MED16: variants seen among roughly 807,000 people sequenced by gnomAD.
MED16 encodes mediator complex subunit 16.
A neutral mutation model predicts 84.4 loss-of-function variants in MED16; 81 were observed. The observed-to-expected ratio is 0.96, with a 90% CI of 0.80 to 1.15. The LOEUF (loss-of-function observed/expected upper bound fraction) is 1.15. Among genes scored for constraint, MED16 ranks in the 50% most tolerant of loss-of-function variants. MED16 has a pLI of 0.00. For synonymous variants in MED16, 897 were observed against 552.2 expected (o/e 1.62, Z -8.76); for missense variants, 1,585 against 1,245.9 (o/e 1.27, Z -4.10).
At chr19:877,224 G>C (rs781590715) in intron 8 of MED16, 44 bp from the exon 9 acceptor site, 1 of 1,558,628 alleles carries the variant, frequency 6.4e-7, no homozygotes, top group Non-Finnish European at 8.7e-7. Context: ...AGATGGGGCT[G>C]CGCCCTCAGC....
At chr19:882,258 A>G (rs1412280986) in intron 6 of MED16, among the ~76,000 whole-genome samples, 3 of 152,210 alleles carry the variant, frequency 2.0e-5, no homozygotes, top group Non-Finnish European at 2.9e-5. Flanking sequence ...CTGCCACCCC[A>G]AGACTTTGGG....
intron 1 of MED16, chr19:892,881 AG>A (rs2036667695): frequency 7.3e-6 from 1 of 137,866 alleles, no homozygotes; most frequent in Non-Finnish European, 1.6e-5. Flanking sequence ...CTGAGCCCCG[AG>A]CCCCGCGCCC....
intron 15 of MED16, 29 bp downstream of exon 15, chr19:868,387 G>C: frequency 1.2e-6 from 2 of 1,606,134 alleles, no homozygotes; most frequent in Non-Finnish European, 1.7e-6. Context: ...GGGTAGCTGA[G>C]GGGCACCCGC....
At chr19:891,513 G>A (rs1215016260) in intron 1 of MED16, among the ~76,000 whole-genome samples, 1 of 151,658 alleles carries the variant, frequency 6.6e-6, no homozygotes, top group African/African-American at 2.4e-5. Context: ...GGGGCAGCAA[G>A]TGGACACTAG....
chr19:876,338 C>T (rs970533024), intron 9 of MED16, among the ~76,000 whole-genome samples: 4 of 152,110 alleles, frequency 2.6e-5, no homozygotes, highest in African/African-American at 9.7e-5. Context: ...TATCCGCTCC[C>T]TCCTCTCCTT....
Position 885,958 on chromosome 19 carries a change from C to T in MED16, c.691G>A (p.Ala231Thr). 6.2e-7 allele frequency: 1 copy of T among 1,612,410 alleles called. No individual in the cohort carries two copies. The highest frequency in any genetic ancestry group is 1.7e-4 in the Middle Eastern group (1 of 6,060). ...TGGGNIVVAT[A>T]DGSSASPVQF... ...ACGGGCGACGCGCTGCTGCCGTCCG[C>T]CGTGGCCACCACGATGTTGCCGCCG... The change falls in exon 5 of 16, where the codon GCG becomes ACG. Residue 231 changes from alanine to threonine, a missense_variant. Transcript: ENST00000325464.
At chr19:874,356 C>A (rs2036178261) in intron 10 of MED16, among the ~76,000 whole-genome samples, 1 of 152,190 alleles carries the variant, frequency 6.6e-6, no homozygotes. Context: ...TCGTGATCAG[C>A]CCGCGTTGGC....
chr19:873,759 C>G (rs907594105), intron 10 of MED16, among the ~76,000 whole-genome samples, 177 bp from the exon 11 acceptor site: 11 of 151,996 alleles, frequency 7.2e-5, no homozygotes, highest in African/African-American at 2.7e-4. Flanking sequence ...GAACTGGGAG[C>G]CCACTGCCTG....
intron 4 of MED16, among the ~76,000 whole-genome samples, chr19:887,743 C>T (rs1370926380): frequency 2.6e-5 from 4 of 152,096 alleles, no homozygotes; most frequent in Admixed American, 6.6e-5. Flanking sequence ...GAGGACATCA[C>T]GCTCAGTAAG....
intron 11 of MED16, 52 bp downstream of exon 11, chr19:873,397 T>C: frequency 6.9e-7 from 1 of 1,455,626 alleles, no homozygotes; most frequent in Non-Finnish European, 9.0e-7. Flanking sequence ...GGGGTCCTGA[T>C]GAGATGGGGG....
intron 2 of MED16, 112 bp downstream of exon 2, chr19:890,851 G>T: frequency 1.7e-6 from 2 of 1,192,216 alleles, no homozygotes; most frequent in Non-Finnish European, 2.3e-6. Flanking sequence ...GCCAGGGTGA[G>T]TGAGAGGTGG....
At chr19:873,781 G>C (rs1218372631) in intron 10 of MED16, among the ~76,000 whole-genome samples, 199 bp from the exon 11 acceptor site, 1 of 152,096 alleles carries the variant, frequency 6.6e-6, no homozygotes, top group Non-Finnish European at 1.5e-5. Flanking sequence ...CCCCCCCCGG[G>C]GGCCGCTGTG....
At chr19:873,243 G>A in intron 11 of MED16, among the ~76,000 whole-genome samples, 1 of 147,276 alleles carries the variant, frequency 6.8e-6, no homozygotes, top group East Asian at 2.1e-4. Context: ...ACTCCAAGTA[G>A]GGGTGGGACT....
chr19:877,882 G>C (rs1405691720), intron 8 of MED16, among the ~76,000 whole-genome samples: 5 of 146,238 alleles, frequency 3.4e-5, no homozygotes, highest in East Asian at 2.1e-4. Context: ...CCTTCCCCTG[G>C]TTGTCAATGC....
chr19:880,008 C>T lies in MED16; in HGVS notation c.1282G>A (p.Ala428Thr), dbSNP rs371499870. ...AGCTGCATAGCCTTTAAGTGGACGGCGGGGCCCGCGGTGCGGGGGCGCTTC... is the reference window on the plus strand; with the variant it reads ...AGCTGCATAGCCTTTAAGTGGACGGTGGGGCCCGCGGTGCGGGGGCGCTTC... ...AMKRPRTAGP[A>T]VHLKAMQLSW... Residue 428 changes from alanine to threonine, a missense_variant, in exon 8 of 16, where the codon GCC becomes ACC. By Grantham distance (58) the Ala-to-Thr change is moderately conservative. Transcript: ENST00000325464. 56 of 1,609,758 alleles carry T rather than the reference C, an allele frequency of 3.5e-5. No homozygotes were observed. Among genetic ancestry groups the T allele is most frequent in the Middle Eastern group, 3.4e-4 (2 of 5,958 alleles).
rs781723251 is a variant in MED16 at position 871,634 on chromosome 19, CCACA to C, written c.2098+288_2098+291del. 7.1e-4 allele frequency: 1,135 copies of C among 1,594,698 alleles called. 2 individuals carry two copies. Among genetic ancestry groups the C allele is most frequent in the Non-Finnish European group, 7.4e-4 (871 of 1,178,898 alleles). ...GAAGTGGCTGCCATCCCAAAAGCAC[CCACA>C]CAGAGCATGGACCTGTGCTAGGAAC... On this transcript the variant is annotated intron_variant, in intron 12 of 15. Transcript: ENST00000325464.
intron 11 of MED16, chr19:873,184 GCA>G: frequency 3.9e-6 from 2 of 510,466 alleles, no homozygotes; most frequent in South Asian, 4.6e-5. Context: ...AGGAAGTGGG[GCA>G]GGGCTAGGAA....
intron 8 of MED16, among the ~76,000 whole-genome samples, chr19:879,339 G>C: frequency 6.6e-6 from 1 of 151,692 alleles, no homozygotes; most frequent in Admixed American, 6.6e-5. Flanking sequence ...TGCCCCAGCA[G>C]CTCACCTTCC....
chr19:884,837 T>C, intron 6 of MED16, 66 bp downstream of exon 6: 1 of 1,322,056 alleles, frequency 7.6e-7, no homozygotes, highest in South Asian at 1.3e-5. Context: ...AAGACCTGCC[T>C]CCAAAATAAA....
Sources: allele counts gnomAD v4.1 joint callset (sites outside exome capture counted in the v4.1 genomes callset), GRCh38; gene constraint gnomAD v4.1.1; transcripts MANE v1.5; gene names NCBI Gene and HGNC (gene_info 2026-07-23, HGNC 2026-07-21).